CNTN5: variants seen among roughly 807,000 people sequenced by gnomAD.
CNTN5 encodes the protein contactin 5.
CNTN5 carries 77 observed loss-of-function variants against 129.1 expected under a neutral mutation model. The ratio of observed to expected loss-of-function variants is 0.60; its 90% confidence interval spans 0.50 to 0.72. The LOEUF (loss-of-function observed/expected upper bound fraction) is 0.72, where lower values mean the gene tolerates loss of function less well. Ranked by LOEUF, CNTN5 falls within the 30% of genes least tolerant of loss-of-function variation. The pLI, the probability that CNTN5 is intolerant of heterozygous loss-of-function variation, is 0.00. For synonymous variants in CNTN5, 509 were observed against 465.6 expected, an observed-to-expected ratio of 1.09 and a Z score of -1.20; for missense variants, 1,478 against 1,328.8, an observed-to-expected ratio of 1.11 and a Z score of -1.75.
chr11:99,099,332 T>C (rs561566432), intron 1 of CNTN5, among the ~76,000 whole-genome samples: 1 of 152,286 alleles, frequency 6.6e-6, no homozygotes, highest in East Asian at 1.9e-4. Context: ...GCCTTGACTA[T>C]ACTCCACAAA....
chr11:99,589,928 T>C (rs146081777), intron 3 of CNTN5, among the ~76,000 whole-genome samples: 352 of 152,326 alleles, frequency 2.3e-3, no homozygotes, highest in African/African-American at 8.2e-3. Context: ...TGTGTCATAT[T>C]GTATGCAGTG....
rs1345239745 is a variant in CNTN5, at chr11:100,135,675, G to A, written c.1581-55451G>A. Among the ~76,000 whole-genome samples, 3 of 152,084 alleles carry A rather than the reference G, an allele frequency of 2.0e-5. No individual in the cohort carries two copies. The South Asian group carries it at 6.2e-4, about 31-fold the overall frequency. The stretch of plus-strand genomic sequence containing the variant: ...TATGACGAGTTTTCTTACACAAAGA[G>A]TAAAATCACCATGAGTATTACTCTC... On this transcript the variant is annotated intron_variant, in intron 13 of 24. Coordinates refer to ENST00000524871, the MANE Select transcript of CNTN5 (RefSeq NM_014361.4).
chr11:99,602,718 G>A (rs1950352784), intron 3 of CNTN5, among the ~76,000 whole-genome samples: 1 of 151,404 alleles, frequency 6.6e-6, no homozygotes, highest in South Asian at 2.1e-4. Context: ...TTTGAAGAGA[G>A]CAGTGGTTCT....
chr11:99,726,355 C>G (rs183262863), intron 3 of CNTN5, among the ~76,000 whole-genome samples: 4 of 152,258 alleles, frequency 2.6e-5, no homozygotes. Flanking sequence ...ATCTATGGCT[C>G]TGTTATGTTT....
chr11:99,292,433 T>TTGC (rs1864209964), intron 1 of CNTN5, among the ~76,000 whole-genome samples: 1 of 151,908 alleles, frequency 6.6e-6, no homozygotes, highest in Non-Finnish European at 1.5e-5. Flanking sequence ...AAAGGACGAT[T>TTGC]TGCTGTTTTC....
chr11:99,112,891 TA>T (rs35398247), intron 1 of CNTN5, among the ~76,000 whole-genome samples: 8 of 151,888 alleles, frequency 5.3e-5, no homozygotes, highest in Non-Finnish European at 7.4e-5. Context: ...CCCCTTTTTT[TA>T]AAAAAAATTA....
At chr11:99,619,283 A>T (rs1375735275) in intron 3 of CNTN5, among the ~76,000 whole-genome samples, 1 of 152,126 alleles carries the variant, frequency 6.6e-6, no homozygotes, top group African/African-American at 2.4e-5. Flanking sequence ...TTAAATTCTA[A>T]ATTTTTCACA....
At chr11:99,694,072 A>T (rs767949519) in intron 3 of CNTN5, among the ~76,000 whole-genome samples, 4 of 152,088 alleles carry the variant, frequency 2.6e-5, no homozygotes, top group Non-Finnish European at 5.9e-5. Flanking sequence ...CGAGAACCAT[A>T]AGTACTTTGA....
rs150499823 is a variant in CNTN5 at position 100,328,627 on chromosome 11, A to G, written c.2731-11836A>G. On this transcript the variant is annotated intron_variant, in intron 21 of 24. Coordinates refer to ENST00000524871, the MANE Select transcript of CNTN5 (RefSeq NM_014361.4). ...CACATCTCCCGAGAACTTATTCACT[A>G]TCAAAAGAACAGCAAGGGGGAAATC... 3.9e-3 allele frequency among the ~76,000 whole-genome samples: 599 copies of G among 152,274 alleles called. 5 individuals are homozygous for G. Among genetic ancestry groups the G allele is most frequent in the African/African-American group, 0.011 (475 of 41,540 alleles).
At chr11:99,345,681 A>G (rs1937802458) in intron 2 of CNTN5, among the ~76,000 whole-genome samples, 1 of 152,214 alleles carries the variant, frequency 6.6e-6, no homozygotes, top group African/African-American at 2.4e-5. Flanking sequence ...TATGTTAAGA[A>G]TGATATGCTT....
Position 99,805,466 on chromosome 11 carries a change from C to T in CNTN5, c.56-14078C>T, listed in dbSNP as rs187375450. ...GAAAAAAATTAGAAATATTGTTTGT[C>T]ATCATGAAGGCAAACTAACTTGTTA... On this transcript the variant is annotated intron_variant, in intron 3 of 24. Coordinates refer to ENST00000524871, the MANE Select transcript of CNTN5 (RefSeq NM_014361.4). 1.8e-4 allele frequency among the ~76,000 whole-genome samples: 28 copies of T among 152,258 alleles called. 1 individual carries two copies. Among genetic ancestry groups the T allele is most frequent in the African/African-American group, 5.3e-4 (22 of 41,552 alleles).
At chr11:99,836,695 C>T (rs534113754) in intron 4 of CNTN5, among the ~76,000 whole-genome samples, 1 of 152,092 alleles carries the variant, frequency 6.6e-6, no homozygotes, top group African/African-American at 2.4e-5. Flanking sequence ...ATTTCTAGTT[C>T]TAGATCCTTG....
rs778148708 is a variant in CNTN5, at chr11:99,822,986, C to T, written c.277+3221C>T. Among the ~76,000 whole-genome samples, 6 of 152,220 alleles carry T rather than the reference C, an allele frequency of 3.9e-5. No homozygotes were observed. The East Asian group carries it at 7.7e-4, about 20-fold the overall frequency. On this transcript the variant is annotated intron_variant, in intron 4 of 24. Coordinates refer to ENST00000524871, the MANE Select transcript of CNTN5 (RefSeq NM_014361.4). ...TATTGACAGGCCCACTGGGAGTGGC[C>T]TCTGGCCAACAGCCCAAGAGTAAGT...
Position 100,063,428 on chromosome 11 carries a change from G to C in CNTN5, c.1162+2035G>C, listed in dbSNP as rs1342402162. 3.3e-5 allele frequency among the ~76,000 whole-genome samples: 5 copies of C among 152,002 alleles called. No homozygotes were observed. In the East Asian group the frequency reaches 9.7e-4, roughly 29 times the overall value. ...TTCCTTAGAAAGAGAAACTGGGCTGGCTGGCTACTTGGCATATATTTGTGA... is the reference window on the plus strand; with the variant it reads ...TTCCTTAGAAAGAGAAACTGGGCTGCCTGGCTACTTGGCATATATTTGTGA... On this transcript the variant is annotated intron_variant, in intron 10 of 24. Coordinates refer to ENST00000524871, the MANE Select transcript of CNTN5 (RefSeq NM_014361.4).
At chr11:100,145,944 C>T (rs777415052) in intron 13 of CNTN5, among the ~76,000 whole-genome samples, 1 of 152,132 alleles carries the variant, frequency 6.6e-6, no homozygotes, top group Non-Finnish European at 1.5e-5. Context: ...TTAAATTATT[C>T]ACCAGTATTA....
intron 21 of CNTN5, chr11:100,308,822 T>A: frequency 1.0e-6 from 1 of 987,856 alleles, no homozygotes; most frequent in South Asian, 4.6e-5. Context: ...AAATACAAGT[T>A]TTCCTTTTGT....
intron 6 of CNTN5, among the ~76,000 whole-genome samples, chr11:99,894,757 A>G (rs890706773): frequency 3.9e-5 from 6 of 152,192 alleles, no homozygotes; most frequent in African/African-American, 1.4e-4. Context: ...GCTAGCTATG[A>G]TAATTTTGAA....
chr11:99,648,728 T>A (rs1952053786), intron 3 of CNTN5, among the ~76,000 whole-genome samples: 1 of 151,854 alleles, frequency 6.6e-6, no homozygotes, highest in Admixed American at 6.6e-5. Flanking sequence ...TATGTGGCTA[T>A]TAAAAAGAAT....
chr11:99,242,936 T>G (rs973114226), intron 1 of CNTN5, among the ~76,000 whole-genome samples: 1 of 152,098 alleles, frequency 6.6e-6, no homozygotes. Context: ...GACAGTGCTG[T>G]GATGAACCTG....
Sources: gnomAD v4.1 joint callset for allele counts (sites outside exome capture counted in the v4.1 genomes callset) on GRCh38, gnomAD v4.1.1 for gene constraint, MANE v1.5 for transcripts, NCBI Gene and HGNC (gene_info 2026-07-23, HGNC 2026-07-21) for gene names.